SLC24A2: variants seen among roughly 807,000 people sequenced by gnomAD.
SLC24A2 encodes the protein solute carrier family 24 member 2.
A neutral mutation model predicts 62.0 loss-of-function variants in SLC24A2; 36 were observed. The ratio of observed to expected loss-of-function variants is 0.58; its 90% CI spans 0.44 to 0.77. The LOEUF is 0.77. SLC24A2 is among the 30% of genes least tolerant of loss of function. SLC24A2 has a pLI of 0.00. For synonymous variants in SLC24A2, 358 were observed against 294.0 expected, an observed-to-expected ratio of 1.22 and a Z score of -2.23; for missense variants, 846 against 817.9, an observed-to-expected ratio of 1.03 and a Z score of -0.42.
At chr9:20,291,513 G>T in the SLC24A2 span, among the ~76,000 whole-genome samples, 1 of 152,122 alleles carries the variant, frequency 6.6e-6, no homozygotes, top group Non-Finnish European at 1.5e-5. Flanking sequence ...CACACAAGAA[G>T]GATGCTATGG....
chr9:20,186,370 C>A, the SLC24A2 span, among the ~76,000 whole-genome samples: 53 of 152,260 alleles, frequency 3.5e-4, no homozygotes, highest in African/African-American at 1.2e-3. Context: ...CTGAGATATT[C>A]TAACCGGGGC....
chr9:20,175,065 T>A, the SLC24A2 span, among the ~76,000 whole-genome samples: 1 of 151,652 alleles, frequency 6.6e-6, no homozygotes, highest in Non-Finnish European at 1.5e-5. Context: ...TAAAAAGGAA[T>A]GAATTAATGG....
intron 2 of SLC24A2, among the ~76,000 whole-genome samples, chr9:19,709,160 A>C (rs1051658708): frequency 2.6e-5 from 4 of 152,200 alleles, no homozygotes; most frequent in African/African-American, 9.6e-5. Flanking sequence ...AAAAATGCTC[A>C]TCATCACTGG....
At chr9:19,837,015 C>T in the SLC24A2 span, among the ~76,000 whole-genome samples, 1 of 152,156 alleles carries the variant, frequency 6.6e-6, no homozygotes. Context: ...AAGGCCTTGA[C>T]AAAATTCAAC....
intron 4 of SLC24A2, among the ~76,000 whole-genome samples, chr9:19,611,417 CAGAGAAGAGGGAAGGAGGGGTGAGAGA>C (rs751935188): frequency 7.7e-4 from 111 of 143,868 alleles, no homozygotes; most frequent in South Asian, 1.6e-3. Flanking sequence ...GAAACGAGGG[CAGAGAAGAGGGAAGGAGGGGTGAGAGA>C]AGAGAAGAGA....
the SLC24A2 span, among the ~76,000 whole-genome samples, chr9:20,171,476 C>T: frequency 1.3e-5 from 2 of 151,798 alleles, no homozygotes; most frequent in Non-Finnish European, 2.9e-5. Flanking sequence ...AGAGACTCAC[C>T]GAACACATAA....
chr9:20,304,891 C>T, the SLC24A2 span, among the ~76,000 whole-genome samples: 3 of 150,748 alleles, frequency 2.0e-5, no homozygotes, highest in South Asian at 4.2e-4. Context: ...ACCTGGGTCA[C>T]GACAGTAACT....
At chr9:20,169,163 A>T in the SLC24A2 span, among the ~76,000 whole-genome samples, 1 of 152,042 alleles carries the variant, frequency 6.6e-6, no homozygotes, top group African/African-American at 2.4e-5. Context: ...TCATAGATAG[A>T]CAAAGTAGAA....
intron 9 of SLC24A2, among the ~76,000 whole-genome samples, chr9:19,523,333 A>G (rs1833285862): frequency 6.6e-6 from 1 of 152,196 alleles, no homozygotes; most frequent in Non-Finnish European, 1.5e-5. Context: ...CCTGAGTCTC[A>G]GTCTTTCCTA....
chr9:19,516,820 A>G (rs180898331), intron 10 of SLC24A2, among the ~76,000 whole-genome samples: 2 of 152,322 alleles, frequency 1.3e-5, no homozygotes, highest in South Asian at 2.1e-4. Flanking sequence ...ATGAGTGGTG[A>G]AAATGAGGAA....
At chr9:19,560,426 G>C (rs1431983102) in intron 7 of SLC24A2, among the ~76,000 whole-genome samples, 2 of 152,002 alleles carry the variant, frequency 1.3e-5, no homozygotes, top group Non-Finnish European at 2.9e-5. Flanking sequence ...GATCCAATAG[G>C]ATCATAAGAT....
chr9:19,849,632 A>G, the SLC24A2 span, among the ~76,000 whole-genome samples: 2 of 152,240 alleles, frequency 1.3e-5, no homozygotes, highest in African/African-American at 4.8e-5. Flanking sequence ...ATGTGAGTGA[A>G]AATAAAATTT....
the SLC24A2 span, among the ~76,000 whole-genome samples, chr9:19,943,242 G>A: frequency 6.6e-6 from 1 of 151,422 alleles, no homozygotes; most frequent in African/African-American, 2.4e-5. Context: ...CTCCATTAAT[G>A]GGACACTCAT....
At chr9:19,976,728 C>T in the SLC24A2 span, among the ~76,000 whole-genome samples, 15 of 152,138 alleles carry the variant, frequency 9.9e-5, no homozygotes, top group South Asian at 4.1e-4. Flanking sequence ...ATTTGAGTGT[C>T]CACAGATTTT....
chr9:19,653,902 A>C (rs182897726), intron 2 of SLC24A2, among the ~76,000 whole-genome samples: 1 of 152,268 alleles, frequency 6.6e-6, no homozygotes, highest in Admixed American at 6.5e-5. Flanking sequence ...TCTATGCCAA[A>C]CTATGTGTCT....
chr9:20,267,660 C>A, the SLC24A2 span, among the ~76,000 whole-genome samples: 1 of 152,208 alleles, frequency 6.6e-6, no homozygotes, highest in Non-Finnish European at 1.5e-5. Flanking sequence ...ACTGTGTCTG[C>A]CACATAGTAG....
chr9:19,725,383 G>T (rs1821141678), intron 2 of SLC24A2, among the ~76,000 whole-genome samples: 1 of 152,126 alleles, frequency 6.6e-6, no homozygotes, highest in African/African-American at 2.4e-5. Flanking sequence ...ATCCAAATGT[G>T]CCTCCTCCAG....
At chr9:20,053,820 G>T in the SLC24A2 span, among the ~76,000 whole-genome samples, 1 of 152,182 alleles carries the variant, frequency 6.6e-6, no homozygotes, top group Non-Finnish European at 1.5e-5. Flanking sequence ...TCACTTAGAA[G>T]CCACCCCGTG....
intron 2 of SLC24A2, among the ~76,000 whole-genome samples, chr9:19,743,167 A>G (rs1372549431): frequency 1.3e-5 from 2 of 152,222 alleles, no homozygotes; most frequent in Non-Finnish European, 2.9e-5. Context: ...AATTGGTTCC[A>G]CTGTCTGCAT....
Sources: gnomAD v4.1 joint callset for allele counts (sites outside exome capture counted in the v4.1 genomes callset) on GRCh38, gnomAD v4.1.1 for gene constraint, MANE v1.5 for transcripts, NCBI Gene and HGNC (gene_info 2026-07-23, HGNC 2026-07-21) for gene names.